Variants in SYT1 observed in about 807,000 individuals in gnomAD.
The protein encoded by SYT1 is synaptotagmin-1.
Under a neutral mutation model 44.8 loss-of-function variants are expected in SYT1, and 8 were observed. The ratio of observed to expected loss-of-function variants is 0.18; its 90% CI spans 0.10 to 0.32. The LOEUF is 0.32. SYT1 is among the 10% of genes least tolerant of loss of function. The pLI, the probability that SYT1 is intolerant of heterozygous loss-of-function variation, is 1.00. For synonymous variants in SYT1, 154 were observed against 188.8 expected (o/e 0.82, Z 1.51); for missense variants, 286 against 509.3 (o/e 0.56, Z 4.22).
At chr12:79,022,926 T>C (rs1162846415) in intron 2 of SYT1, among the ~76,000 whole-genome samples, 1 of 151,870 alleles carries the variant, frequency 6.6e-6, no homozygotes, top group Non-Finnish European at 1.5e-5. Flanking sequence ...GTTTTAGTGC[T>C]AGAAATAACC....
In SYT1 at chr12:79,095,022, A is replaced by G. The variant is rs151260931; in HGVS notation, c.-18+47660A>G. On this transcript the variant is annotated intron_variant, in intron 3 of 10. Transcript: ENST00000261205. The stretch of plus-strand genomic sequence containing the variant: ...TCCAGCCATATTTGTGGGTCTCTCA[A>G]CCTTTTGGTAGGCCACCCATACATG... Among the ~76,000 whole-genome samples, 24 of 152,014 alleles carry G rather than the reference A, an allele frequency of 1.6e-4. No individual in the cohort carries two copies. In the East Asian group the frequency reaches 4.7e-3, roughly 29 times the overall value.
At chr12:78,988,906 T>A (rs1285703355) in intron 2 of SYT1, among the ~76,000 whole-genome samples, 2 of 152,164 alleles carry the variant, frequency 1.3e-5, no homozygotes, top group African/African-American at 4.8e-5. Flanking sequence ...TATTGCAGTA[T>A]TCCAGGTGAG....
At chr12:79,176,282 T>G in intron 3 of SYT1, among the ~76,000 whole-genome samples, 1 of 105,542 alleles carries the variant, frequency 9.5e-6, no homozygotes. Flanking sequence ...AGAGCGAAAT[T>G]CTGTCTCAAA....
intron 8 of SYT1, among the ~76,000 whole-genome samples, chr12:79,332,098 C>A (rs376274877): frequency 6.6e-6 from 1 of 152,110 alleles, no homozygotes; most frequent in African/African-American, 2.4e-5. Flanking sequence ...CTGTGATGAA[C>A]TTTACATAAC....
At chr12:79,262,044 A>G (rs1028427070) in intron 4 of SYT1, among the ~76,000 whole-genome samples, 6 of 152,218 alleles carry the variant, frequency 3.9e-5, no homozygotes, top group Admixed American at 2.6e-4. Flanking sequence ...AATAAATCCA[A>G]TCTATTCTGA....
chr12:79,261,760 G>A (rs910045006), intron 4 of SYT1, among the ~76,000 whole-genome samples: 9 of 151,958 alleles, frequency 5.9e-5, no homozygotes, highest in East Asian at 1.9e-4. Flanking sequence ...TTATTATTGC[G>A]GTATTATTAT....
chr12:79,230,172 G>C (rs146737808), intron 4 of SYT1, among the ~76,000 whole-genome samples: 63 of 152,252 alleles, frequency 4.1e-4, no homozygotes, highest in African/African-American at 1.3e-3. Context: ...TAAACACAAA[G>C]TGTTTTTGCA....
At chr12:79,330,877 A>G (rs917954728) in intron 8 of SYT1, among the ~76,000 whole-genome samples, 2 of 152,222 alleles carry the variant, frequency 1.3e-5, no homozygotes, top group African/African-American at 4.8e-5. Flanking sequence ...GAATTTTTGA[A>G]CCCAGGAGAC....
intron 3 of SYT1, among the ~76,000 whole-genome samples, chr12:79,057,107 A>G (rs1875003144): frequency 6.6e-6 from 1 of 152,198 alleles, no homozygotes; most frequent in Non-Finnish European, 1.5e-5. Context: ...TAAGTATCTT[A>G]GCATTTTCCT....
intron 4 of SYT1, among the ~76,000 whole-genome samples, chr12:79,272,178 A>C (rs568133652): frequency 3.3e-5 from 5 of 152,364 alleles, no homozygotes; most frequent in Admixed American, 3.3e-4. Context: ...AGAATTGAGC[A>C]GGGAACAACT....
chr12:79,163,638 T>C (rs1871080842), intron 3 of SYT1, among the ~76,000 whole-genome samples: 1 of 152,074 alleles, frequency 6.6e-6, no homozygotes. Context: ...AAAACTCTGC[T>C]CTTTCTATTG....
intron 3 of SYT1, among the ~76,000 whole-genome samples, chr12:79,135,244 C>A (rs1869113947): frequency 8.0e-6 from 1 of 124,410 alleles, no homozygotes; most frequent in Non-Finnish European, 1.7e-5. Context: ...CTAATGCTAT[C>A]CCTCCCCCCT....
intron 9 of SYT1, among the ~76,000 whole-genome samples, chr12:79,364,751 A>G (rs959308514): frequency 2.6e-5 from 4 of 152,206 alleles, no homozygotes; most frequent in Non-Finnish European, 5.9e-5. Flanking sequence ...TGACAGTGTA[A>G]TTAACTAATA....
At chr12:78,970,200 A>G (rs1252535490) in intron 1 of SYT1, among the ~76,000 whole-genome samples, 1 of 152,218 alleles carries the variant, frequency 6.6e-6, no homozygotes, top group Non-Finnish European at 1.5e-5. Context: ...AAAAGCAAAG[A>G]TGACCTCATG....
At chr12:79,213,996 A>G (rs769169677) in intron 3 of SYT1, among the ~76,000 whole-genome samples, 1 of 152,222 alleles carries the variant, frequency 6.6e-6, no homozygotes, top group Non-Finnish European at 1.5e-5. Flanking sequence ...TTCATCCACA[A>G]AATGATGCCT....
At chr12:78,878,644 T>C (rs144656443) in intron 1 of SYT1, among the ~76,000 whole-genome samples, 29 of 151,862 alleles carry the variant, frequency 1.9e-4, no homozygotes, top group African/African-American at 7.0e-4. Context: ...GAGTACCATC[T>C]AGTTAAGAGT....
chr12:78,959,072 G>T (rs917945928), intron 1 of SYT1, among the ~76,000 whole-genome samples: 1 of 152,070 alleles, frequency 6.6e-6, no homozygotes, highest in East Asian at 1.9e-4. Context: ...AAGCCCATTT[G>T]CATTCAGCTG....
At chr12:79,014,611 G>A (rs966134122) in intron 2 of SYT1, among the ~76,000 whole-genome samples, 2 of 152,084 alleles carry the variant, frequency 1.3e-5, no homozygotes, top group African/African-American at 2.4e-5. Context: ...TACACTGTTG[G>A]TGGGACTGTA....
At chr12:78,903,530 C>T (rs773732390) in intron 1 of SYT1, among the ~76,000 whole-genome samples, 6 of 152,080 alleles carry the variant, frequency 3.9e-5, no homozygotes, top group Middle Eastern at 3.4e-3. Context: ...CGTGATCTGC[C>T]CGCCTCGGCC....
Sources: gnomAD v4.1 joint callset for allele counts (sites outside exome capture counted in the v4.1 genomes callset) on GRCh38, gnomAD v4.1.1 for gene constraint, MANE v1.5 for transcripts, NCBI Gene and HGNC (gene_info 2026-07-23, HGNC 2026-07-21) for gene names.